DGKB: variants seen among roughly 807,000 people sequenced by gnomAD.
DGKB encodes 90 kDa diacylglycerol kinase.
A neutral mutation model predicts 114.3 loss-of-function variants in DGKB; 67 were observed. The ratio of observed to expected loss-of-function variants is 0.59; its 90% CI spans 0.48 to 0.72. The LOEUF (loss-of-function observed/expected upper bound fraction) is 0.72, where lower values mean the gene tolerates loss of function less well. Ranked by LOEUF, DGKB falls within the 30% of genes least tolerant of loss-of-function variation. DGKB has a pLI of 0.00. For missense variants in DGKB, 907 were observed against 975.2 expected (o/e 0.93, Z 0.93); for synonymous variants, 398 against 323.1 (o/e 1.23, Z -2.49).
chr7:14,807,643 A>G (rs1464062577), intron 2 of DGKB, among the ~76,000 whole-genome samples: 2 of 152,042 alleles, frequency 1.3e-5, no homozygotes, highest in African/African-American at 4.8e-5. Flanking sequence ...AGATTTGAAC[A>G]TATAGTCCTG....
chr7:14,820,775 C>G (rs1301818583), intron 2 of DGKB, among the ~76,000 whole-genome samples: 1 of 152,114 alleles, frequency 6.6e-6, no homozygotes. Context: ...GAAACTCTGA[C>G]TATGTTAACC....
At chr7:14,487,593 T>TG (rs1171780236) in intron 20 of DGKB, among the ~76,000 whole-genome samples, 6 of 150,568 alleles carry the variant, frequency 4.0e-5, no homozygotes, top group South Asian at 4.3e-4. Context: ...CTTTTTTTTT[T>TG]TTTTTTTTGG....
At chr7:14,487,694 T>C (rs1222340595) in intron 20 of DGKB, among the ~76,000 whole-genome samples, 1 of 150,422 alleles carries the variant, frequency 6.6e-6, no homozygotes, top group Non-Finnish European at 1.5e-5. Flanking sequence ...CTTGAACTCC[T>C]GGGCTCCAGT....
At chr7:14,260,944 T>C (rs543341889) in intron 23 of DGKB, among the ~76,000 whole-genome samples, 2 of 152,168 alleles carry the variant, frequency 1.3e-5, no homozygotes, top group African/African-American at 4.8e-5. Flanking sequence ...CAAAGAGTCA[T>C]GAAAATCACT....
chr7:14,708,987 C>G (rs1294965181), intron 6 of DGKB, among the ~76,000 whole-genome samples: 1 of 150,192 alleles, frequency 6.7e-6, no homozygotes, highest in Non-Finnish European at 1.5e-5. Flanking sequence ...AACTAAAGAG[C>G]TTCTGCACAG....
At chr7:14,426,638 A>C (rs145435034) in intron 21 of DGKB, among the ~76,000 whole-genome samples, 81 of 152,298 alleles carry the variant, frequency 5.3e-4, no homozygotes, top group African/African-American at 1.9e-3. Flanking sequence ...TGCTAAAATT[A>C]TGAGTTCAGA....
At chr7:14,354,918 T>C (rs922541201) in intron 21 of DGKB, among the ~76,000 whole-genome samples, 1 of 152,170 alleles carries the variant, frequency 6.6e-6, no homozygotes, top group African/African-American at 2.4e-5. Flanking sequence ...TTCAATTATG[T>C]TTCCCCATTT....
intron 21 of DGKB, among the ~76,000 whole-genome samples, chr7:14,430,447 T>A (rs939565564): frequency 5.3e-5 from 8 of 152,198 alleles, no homozygotes; most frequent in African/African-American, 1.9e-4. Flanking sequence ...AAATCATGAT[T>A]GGTTAACATG....
At chr7:14,314,507 T>C (rs1278941528) in intron 23 of DGKB, among the ~76,000 whole-genome samples, 5 of 152,094 alleles carry the variant, frequency 3.3e-5, no homozygotes, top group South Asian at 2.1e-4. Context: ...GGAGCCGATG[T>C]GATCAACTGG....
intron 20 of DGKB, among the ~76,000 whole-genome samples, chr7:14,491,028 T>C (rs1236374825): frequency 6.6e-6 from 1 of 151,978 alleles, no homozygotes; most frequent in Non-Finnish European, 1.5e-5. Flanking sequence ...TTTAAGGGGC[T>C]TTCTAGAGAT....
At chr7:14,769,228 G>GAGAGAGAAAGAAAGAAAGAAAGAA (rs1554265921) in intron 2 of DGKB, among the ~76,000 whole-genome samples, 5 of 119,688 alleles carry the variant, frequency 4.2e-5, no homozygotes, top group African/African-American at 1.6e-4. Flanking sequence ...GAAAGAGAGA[G>GAGAGAGAAAGAAAGAAAGAAAGAA]AGAAAGAAAG....
chr7:14,547,586 A>G (rs1051772051), intron 20 of DGKB, among the ~76,000 whole-genome samples: 1 of 152,098 alleles, frequency 6.6e-6, no homozygotes, highest in African/African-American at 2.4e-5. Flanking sequence ...AGCTGTTCTG[A>G]CCCTGTTGCA....
intron 21 of DGKB, among the ~76,000 whole-genome samples, chr7:14,450,768 C>T (rs957118338): frequency 6.6e-6 from 1 of 152,024 alleles, no homozygotes; most frequent in Non-Finnish European, 1.5e-5. Flanking sequence ...TCAAGTGGAT[C>T]TGAGGAAAGT....
chr7:14,940,015 A>G (rs1213671895), intron 1 of DGKB, among the ~76,000 whole-genome samples: 1 of 152,172 alleles, frequency 6.6e-6, no homozygotes, highest in African/African-American at 2.4e-5. Flanking sequence ...CTGTGTGGTG[A>G]CTTGGCTTCT....
intron 1 of DGKB, among the ~76,000 whole-genome samples, chr7:14,929,434 G>C (rs1483412485): frequency 1.3e-5 from 2 of 151,834 alleles, no homozygotes; most frequent in Admixed American, 6.5e-5. Flanking sequence ...TCTGATCGGA[G>C]TAAGGTTGTG....
At chr7:14,640,639 C>A (rs563123111) in intron 13 of DGKB, among the ~76,000 whole-genome samples, 104 of 152,174 alleles carry the variant, frequency 6.8e-4, no homozygotes, top group Non-Finnish European at 1.4e-3. Context: ...AACTAGGGAA[C>A]AAAGACAGGC....
chr7:14,611,096 T>C (rs77327678), intron 16 of DGKB, among the ~76,000 whole-genome samples: 1,646 of 152,210 alleles, frequency 0.011, 20 homozygotes, highest in Non-Finnish European at 0.018. Context: ...CCTTCTTTCA[T>C]TGGGCAAACA....
chr7:14,525,102 T>C (rs754528691), intron 20 of DGKB, among the ~76,000 whole-genome samples: 5 of 152,168 alleles, frequency 3.3e-5, no homozygotes, highest in Non-Finnish European at 7.3e-5. Context: ...GTTTGGGATT[T>C]TTTTTTGAAC....
At chr7:14,336,384 T>A (rs1003897819) in intron 23 of DGKB, among the ~76,000 whole-genome samples, 2 of 152,206 alleles carry the variant, frequency 1.3e-5, no homozygotes, top group African/African-American at 4.8e-5. Context: ...AAATCAAAAC[T>A]ATAAGCTAGT....
Sources: allele counts gnomAD v4.1 joint callset (sites outside exome capture counted in the v4.1 genomes callset), GRCh38; gene constraint gnomAD v4.1.1; transcripts MANE v1.5; gene names NCBI Gene and HGNC (gene_info 2026-07-23, HGNC 2026-07-21).